The following TMIGD2 variants were observed in gnomAD, a reference collection of about 807,000 sequenced individuals.
The protein encoded by TMIGD2 is transmembrane and immunoglobulin domain-containing protein 2.
In TMIGD2, 18 loss-of-function variants were observed where a neutral mutation model predicts 22.6. The observed-to-expected ratio is 0.80, with a 90% CI of 0.55 to 1.18. The LOEUF is 1.18. Among genes scored for constraint, TMIGD2 ranks in the 50% most tolerant of loss-of-function variants. The probability of loss-of-function intolerance (pLI) is 0.00; values close to 1 mark genes in which losing one functional copy is unlikely to be tolerated. For missense variants in TMIGD2, 361 were observed against 378.2 expected, an observed-to-expected ratio of 0.95 and a Z score of 0.38; for synonymous variants, 184 against 154.1, an observed-to-expected ratio of 1.19 and a Z score of -1.44.
chr19:4,300,449 C>T (rs528317698), intron 1 of TMIGD2, among the ~76,000 whole-genome samples: 75 of 143,290 alleles, frequency 5.2e-4, no homozygotes, highest in African/African-American at 1.8e-3. Flanking sequence ...CCCAGCTACT[C>T]GGGAGGCTGA....
At chr19:4,298,676 C>T (rs1426245982) in intron 1 of TMIGD2, among the ~76,000 whole-genome samples, 2 of 152,054 alleles carry the variant, frequency 1.3e-5, no homozygotes. Context: ...TTCGAGGCTG[C>T]GGTGAGCTAT....
At chr19:4,292,418 T>A (rs1475530162) in exon 5 of TMIGD2, 1 of 696,894 alleles carries the variant, frequency 1.4e-6, no homozygotes, top group Non-Finnish European at 2.5e-6. Flanking sequence ...CTCGGCTCAC[T>A]GCAACCTCCG....
Position 4,302,389 on chromosome 19 carries a change from T to A in TMIGD2, c.-4A>T, listed in dbSNP as rs1275559193. 4.5e-6 allele frequency: 7 copies of A among 1,559,758 alleles called. No homozygotes were observed. In the South Asian group the frequency reaches 8.3e-5, roughly 18 times the overall value. On this transcript the variant is annotated 5_prime_UTR_variant, in exon 1 of 5. Coordinates refer to ENST00000301272, the Ensembl canonical transcript of TMIGD2. Reference sequence around the variant, plus strand: ...GCACCATGCCCGGGGACCCCATTCCTGGCCCATCACCCCCCTCTCCCCCTC... The same window carrying A: ...GCACCATGCCCGGGGACCCCATTCCAGGCCCATCACCCCCCTCTCCCCCTC...
intron 1 of TMIGD2, among the ~76,000 whole-genome samples, chr19:4,299,795 A>C (rs1971511156): frequency 6.6e-6 from 1 of 151,236 alleles, no homozygotes; most frequent in African/African-American, 2.4e-5. Context: ...CTGAGGCAGG[A>C]GAATCACTTG....
At chr19:4,296,898 T>A (rs1568373586) in intron 2 of TMIGD2, among the ~76,000 whole-genome samples, 1 of 152,104 alleles carries the variant, frequency 6.6e-6, no homozygotes. Flanking sequence ...GATGGGTCCA[T>A]AAGTGGGGGA....
At chr19:4,295,267 A>AAAAAAAAAAAAAAAC (rs1455298869) in intron 2 of TMIGD2, among the ~76,000 whole-genome samples, 1 of 149,578 alleles carries the variant, frequency 6.7e-6, no homozygotes, top group Non-Finnish European at 1.5e-5. Context: ...CCTCAAAAAA[A>AAAAAAAAAAAAAAAC]AAAAAAAAGA....
chr19:4,302,321 G>A lies in TMIGD2; in HGVS notation c.46+19C>T. On this transcript the variant is annotated intron_variant, in intron 1 of 4. Coordinates refer to ENST00000301272, the Ensembl canonical transcript of TMIGD2. ...CAGCAAGAGTGGGGTTCAGAGGGGA[G>A]GGAGGCCCAGATACTCACCCCAGAT... The A allele has an allele frequency of 6.4e-7, 1 of 1,564,500 alleles. No homozygotes were observed. Among genetic ancestry groups the A allele is most frequent in the East Asian group, 2.4e-5 (1 of 41,870 alleles).
chr19:4,292,724 G>A, exon 5 of TMIGD2: 1 of 1,609,162 alleles, frequency 6.2e-7, no homozygotes, highest in South Asian at 1.1e-5. Flanking sequence ...CTCGGGCTGG[G>A]GCAGGGTCTT....
intron 2 of TMIGD2, among the ~76,000 whole-genome samples, chr19:4,296,493 A>G (rs1971462174): frequency 6.6e-6 from 1 of 152,162 alleles, no homozygotes; most frequent in Admixed American, 6.5e-5. Context: ...ATCCCTGGGG[A>G]CTGCCAAGCT....
At chr19:4,292,791 C>G in exon 5 of TMIGD2, 1 of 1,612,930 alleles carries the variant, frequency 6.2e-7, no homozygotes, top group Admixed American at 1.7e-5. Flanking sequence ...AATAAATGCT[C>G]TGGCCCCTCT....
chr19:4,301,179 G>A (rs1050192734), intron 1 of TMIGD2, among the ~76,000 whole-genome samples: 9 of 152,064 alleles, frequency 5.9e-5, no homozygotes, highest in Non-Finnish European at 1.3e-4. Context: ...CACCAACATG[G>A]CCAGGCTGGT....
chr19:4,298,414 C>T, intron 1 of TMIGD2, 69 bp from the exon 2 acceptor site: 2 of 1,485,540 alleles, frequency 1.3e-6, no homozygotes, highest in South Asian at 1.4e-5. Context: ...ACTCACTCCC[C>T]TAGTGAGCCC....
intron 2 of TMIGD2, among the ~76,000 whole-genome samples, chr19:4,296,767 G>T (rs1016179507): frequency 6.6e-6 from 1 of 152,220 alleles, no homozygotes; most frequent in Non-Finnish European, 1.5e-5. Flanking sequence ...ATCTCTAGGG[G>T]CTGAGAGCTG....
At chr19:4,300,441 C>T (rs1057247432) in intron 1 of TMIGD2, among the ~76,000 whole-genome samples, 1 of 151,732 alleles carries the variant, frequency 6.6e-6, no homozygotes, top group African/African-American at 2.4e-5. Context: ...CCCGTAGTCC[C>T]AGCTACTCGG....
At position 4,292,893 on chromosome 19, in the gene TMIGD2, G is replaced by T; in HGVS notation, c.563-8C>A. 2 of 1,613,338 alleles carry T rather than the reference G, an allele frequency of 1.2e-6. No homozygotes were observed. Among genetic ancestry groups the T allele is most frequent in the Non-Finnish European group, 1.7e-6 (2 of 1,179,850 alleles). ...TGCTGTAGAATGCATTTCCTAGGATGGATGACACAGACCAAGAGGATCACT... is the reference window on the plus strand; with the variant it reads ...TGCTGTAGAATGCATTTCCTAGGATTGATGACACAGACCAAGAGGATCACT... On this transcript the variant is annotated splice_polypyrimidine_tract_variant and splice_region_variant and intron_variant, in intron 4 of 4. Coordinates refer to ENST00000301272, the Ensembl canonical transcript of TMIGD2.
In TMIGD2 at chr19:4,298,136, G is replaced by T. The variant is rs113922450; in HGVS notation, c.256C>A (p.Arg86=). The T allele has an allele frequency of 4.3e-6, 7 of 1,613,244 alleles. No individual in the cohort carries two copies. In the African/African-American group the frequency reaches 6.7e-5, roughly 15 times the overall value. Residue 86 remains arginine, a synonymous_variant, in exon 2 of 5, where the codon CGG becomes AGG. Coordinates refer to ENST00000301272, the Ensembl canonical transcript of TMIGD2. The stretch of plus-strand genomic sequence containing the variant: ...TGGCTGGGTGCCTGCCAGGAGAGCC[G>T]TCCCTGGGGCCCGCAGACCCCCAGG...
exon 2 of TMIGD2, chr19:4,298,184 A>G (rs1971488272): frequency 2.5e-6 from 4 of 1,613,280 alleles, no homozygotes; most frequent in Non-Finnish European, 3.4e-6. Flanking sequence ...TTGGTGATGT[A>G]CGGTTGACAC....
intron 4 of TMIGD2, among the ~76,000 whole-genome samples, chr19:4,293,112 C>T (rs1466599596): frequency 2.6e-5 from 4 of 151,948 alleles, no homozygotes; most frequent in East Asian, 1.9e-4. Context: ...TACAGGCTCC[C>T]GCCACCATGC....
chr19:4,301,260 T>C (rs1971532894), intron 1 of TMIGD2, among the ~76,000 whole-genome samples: 1 of 152,102 alleles, frequency 6.6e-6, no homozygotes, highest in Admixed American at 6.6e-5. Context: ...AAGACCTTGG[T>C]TGGGTGTGGT....
Sources: gnomAD v4.1 joint callset for allele counts (sites outside exome capture counted in the v4.1 genomes callset) on GRCh38, gnomAD v4.1.1 for gene constraint, MANE v1.5 for transcripts, NCBI Gene and HGNC (gene_info 2026-07-23, HGNC 2026-07-21) for gene names.